The following MTMR11 variants were observed in gnomAD, a reference collection of about 807,000 sequenced individuals.
The protein encoded by MTMR11 is myotubularin related protein 11, also known as myotubularin-related protein 11.
MTMR11 carries 89 observed loss-of-function variants against 100.0 expected under a neutral mutation model. That is an observed-to-expected ratio of 0.89 (90% CI 0.75 to 1.06). The LOEUF (loss-of-function observed/expected upper bound fraction) is 1.06, where lower values mean the gene tolerates loss of function less well. Among genes scored for constraint, MTMR11 ranks in the 50% least tolerant of loss-of-function variants. The pLI, the probability that MTMR11 is intolerant of heterozygous loss-of-function variation, is 0.00. For synonymous variants in MTMR11, 336 were observed against 326.3 expected, an observed-to-expected ratio of 1.03 and a Z score of -0.32; for missense variants, 809 against 873.7, an observed-to-expected ratio of 0.93 and a Z score of 0.93.
At chr1:149,934,612 C>T in intron 5 of MTMR11, 86 bp from the exon 6 acceptor site, 1 of 1,372,602 alleles carries the variant, frequency 7.3e-7, no homozygotes, top group Non-Finnish European at 1.0e-6. Context: ...GCTCCACTCT[C>T]TTTGCCAAGA....
chr1:149,931,350 C>G lies in MTMR11; in HGVS notation c.1200G>C (p.Leu400=), dbSNP rs1553767616. Residue 400 remains leucine (L), a synonymous_variant, in exon 13 of 17, where the codon CTG becomes CTC. Transcript: ENST00000439741. ...QLLSAPEART[L]FGFQSLVQRE... ...GCTGTACTAGTGATTGGAAGCCAAA[C>G]AGTGTTCGGGCTTCGGGGGCTGAAA... 3 of 1,613,878 alleles carry G rather than the reference C, an allele frequency of 1.9e-6. No individual in the cohort carries two copies. The African/African-American group carries it at 4.0e-5, about 22-fold the overall frequency.
chr1:149,935,438 G>C, intron 3 of MTMR11, 79 bp from the exon 4 acceptor site: 1 of 1,588,312 alleles, frequency 6.3e-7, no homozygotes, highest in Non-Finnish European at 8.6e-7. Context: ...CCCTTCTAGG[G>C]GGCAACAACC....
rs1321607481 is a variant in MTMR11, at chr1:149,936,879, T to A, written c.-232A>T. On this transcript the variant is annotated 5_prime_UTR_variant, in exon 1 of 17. Coordinates refer to ENST00000439741, the MANE Select transcript of MTMR11 (RefSeq NM_001145862.2). ...TCTCCTCGGAAACTTCAGTCGACTC[T>A]GGAGAGGGCGGGAGAGATGCCCAAC... 1 of 529,334 alleles carries A rather than the reference T, an allele frequency of 1.9e-6. No individual in the cohort carries two copies. Among genetic ancestry groups the A allele is most frequent in the Non-Finnish European group, 3.3e-6 (1 of 302,764 alleles). 32.8% of individuals were successfully genotyped at this position (529,334 alleles called of 1,614,324 possible).
intron 5 of MTMR11, 51 bp downstream of exon 5, chr1:149,934,935 G>T: frequency 6.3e-7 from 1 of 1,585,898 alleles, no homozygotes. Flanking sequence ...TCAGGGAGAG[G>T]ATCCCAAGGT....
intron 16 of MTMR11, 92 bp from the exon 17 acceptor site, chr1:149,929,409 C>A: frequency 7.6e-7 from 1 of 1,309,362 alleles, no homozygotes; most frequent in Non-Finnish European, 1.1e-6. Flanking sequence ...AATTCTGTTT[C>A]CCCTTTCAGC....
Position 149,935,366 on chromosome 1 carries a change from G to GA in MTMR11, c.265-8dup. ...CACTGTTCAAGGGAGTGTCCTAGACGAAACACGTGACTGGGTAGACATCTG... is the reference window on the plus strand; with the variant it reads ...CACTGTTCAAGGGAGTGTCCTAGACGAAAACACGTGACTGGGTAGACATCTG... On this transcript the variant is annotated splice_polypyrimidine_tract_variant and splice_region_variant and intron_variant, in intron 3 of 16. Coordinates refer to ENST00000439741, the MANE Select transcript of MTMR11 (RefSeq NM_001145862.2). 4 of 1,613,352 alleles carry GA rather than the reference G, an allele frequency of 2.5e-6. No individual in the cohort carries two copies. Among genetic ancestry groups the GA allele is most frequent in the Non-Finnish European group, 3.4e-6 (4 of 1,179,554 alleles).
chr1:149,936,035 TCAGG>T, intron 2 of MTMR11, 115 bp downstream of exon 2: 3 of 1,116,194 alleles, frequency 2.7e-6, no homozygotes, highest in Non-Finnish European at 4.1e-6. Flanking sequence ...ACAGCGAGCC[TCAGG>T]CAGACGTACT....
chr1:149,929,334 G>C lies in MTMR11; in HGVS notation c.1942-17C>G. ...GAGGCCCATCTGGGGAGGAGGCAAA[G>C]AGGAACAGAGAAGAATACTGTTGTA... On this transcript the variant is annotated splice_polypyrimidine_tract_variant and intron_variant, in intron 16 of 16. Coordinates refer to ENST00000439741, the MANE Select transcript of MTMR11 (RefSeq NM_001145862.2). The C allele has an allele frequency of 1.2e-6, 2 of 1,600,166 alleles. No individual in the cohort carries two copies. Among genetic ancestry groups the C allele is most frequent in the Non-Finnish European group, 8.6e-7 (1 of 1,167,936 alleles).
chr1:149,935,797 T>C lies in MTMR11; in HGVS notation c.143-92A>G, dbSNP rs138987404. The C allele has an allele frequency of 2.1e-3, 2,954 of 1,401,248 alleles. 4 individuals carry two copies. Among genetic ancestry groups the C allele is most frequent in the Non-Finnish European group, 2.4e-3 (2,468 of 1,046,152 alleles). The allele number at this position is 1,401,248 out of a possible 1,614,324, so 86.8% of individuals were successfully genotyped here. A position where few individuals can be genotyped will look rare whatever the true frequency, so the allele number is the denominator to read the frequency against. ...CCCCTCCAAGAAAGGGAGATCTAAA[T>C]AGGGAAGATTAAAATCCTCCCCAAA... On this transcript the variant is annotated intron_variant, in intron 2 of 16. Coordinates refer to ENST00000439741, the MANE Select transcript of MTMR11 (RefSeq NM_001145862.2).
chr1:149,935,212 C>G, intron 4 of MTMR11, 84 bp from the exon 5 acceptor site: 1 of 1,606,842 alleles, frequency 6.2e-7, no homozygotes. Flanking sequence ...CACTCCATCC[C>G]TGCTGTTTTC....
chr1:149,931,357 C>G lies in MTMR11; in HGVS notation c.1193G>C (p.Arg398Pro). The G allele has an allele frequency of 6.2e-7, 1 of 1,613,882 alleles. No homozygotes were observed. Reference sequence around the variant, plus strand: ...TAGTGATTGGAAGCCAAACAGTGTTCGGGCTTCGGGGGCTGAAAGCAGCTG... The same window carrying G: ...TAGTGATTGGAAGCCAAACAGTGTTGGGGCTTCGGGGGCTGAAAGCAGCTG... ...LVQLLSAPEA[R>P]TLFGFQSLVQ... Residue 398 changes from arginine to proline, a missense_variant, in exon 13 of 17, where the codon CGA becomes CCA. Physicochemically the swap from Arg to Pro is moderately radical, Grantham distance 103. Transcript: ENST00000439741.
chr1:149,929,024 G>A lies in MTMR11; in HGVS notation c.*105C>T, dbSNP rs141383594. 6.0e-4 allele frequency: 955 copies of A among 1,599,554 alleles called. 4 individuals are homozygous for A. In the African/African-American group the frequency reaches 0.011, roughly 18 times the overall value. ...GGAGCAGTTAACACCACTATCTGCAGCAGAAACTCAGACCTTCTTAGTGAA... is the reference window on the plus strand; with the variant it reads ...GGAGCAGTTAACACCACTATCTGCAACAGAAACTCAGACCTTCTTAGTGAA... On this transcript the variant is annotated 3_prime_UTR_variant, in exon 17 of 17. Transcript: ENST00000439741.
intron 4 of MTMR11, 40 bp from the exon 5 acceptor site, chr1:149,935,168 G>C (rs1553768763): frequency 6.2e-7 from 1 of 1,612,924 alleles, no homozygotes; most frequent in Non-Finnish European, 8.5e-7. Context: ...CCATGGACCA[G>C]AGTCTCTCCA....
At chr1:149,935,808 A>T in intron 2 of MTMR11, 103 bp from the exon 3 acceptor site, 1 of 1,336,774 alleles carries the variant, frequency 7.5e-7, no homozygotes, top group Non-Finnish European at 1.0e-6. Context: ...AGGGAAGATT[A>T]AAATCCTCCC....
In MTMR11 at chr1:149,933,591, C is replaced by T; in HGVS notation, c.860+19G>A. On this transcript the variant is annotated intron_variant, in intron 9 of 16. Transcript: ENST00000439741. ...CCTGAGCACCTAACCCTTGATTCTTCTCATCAAGCCTCCCTCACCTGATAT... is the reference window on the plus strand; with the variant it reads ...CCTGAGCACCTAACCCTTGATTCTTTTCATCAAGCCTCCCTCACCTGATAT... 6.2e-7 allele frequency: 1 copy of T among 1,614,178 alleles called. No individual in the cohort carries two copies. Among genetic ancestry groups the T allele is most frequent in the Non-Finnish European group, 8.5e-7 (1 of 1,180,006 alleles).
At chr1:149,936,558 AC>A in intron 1 of MTMR11, 23 bp downstream of exon 1, 8 of 1,473,576 alleles carry the variant, frequency 5.4e-6, no homozygotes, top group East Asian at 2.5e-5. Flanking sequence ...TCTTGCCGAC[AC>A]CCCCCAAATT....
At chr1:149,933,722 C>T (rs1443639233) in intron 8 of MTMR11, 24 bp from the exon 9 acceptor site, 1 of 1,613,628 alleles carries the variant, frequency 6.2e-7, no homozygotes, top group Non-Finnish European at 8.5e-7. Context: ...AGAAGAGGGT[C>T]ATTGTGGGAG....
intron 13 of MTMR11, 44 bp downstream of exon 13, chr1:149,931,216 T>G: frequency 1.9e-6 from 3 of 1,610,760 alleles, no homozygotes; most frequent in African/African-American, 1.3e-5. Flanking sequence ...ATTCTCTTAC[T>G]TCCTTAGTAA....
rs1207853414 is a variant in MTMR11 at position 149,936,594 on chromosome 1, C to T, written c.54G>A (p.Glu18=). The change falls in exon 1 of 17, where the codon GAG becomes GAA. Residue 18 remains glutamate (E), a synonymous_variant. Transcript: ENST00000439741. ...QSFNIAPQKE[E]PEMGSVQENR... is the part of the protein sequence containing the mutation. ...TCCTTCTCCTTACCCCCATCTCTGG[C>T]TCCTCCTTCTGGGGGGCAATGTTGA... 6.5e-7 allele frequency: 1 copy of T among 1,537,762 alleles called. No individual in the cohort carries two copies. Among genetic ancestry groups the T allele is most frequent in the Admixed American group, 2.0e-5 (1 of 50,602 alleles).
Sources: allele counts gnomAD v4.1 joint callset, GRCh38; gene constraint gnomAD v4.1.1; transcripts MANE v1.5; gene names NCBI Gene and HGNC (gene_info 2026-07-23, HGNC 2026-07-21).